SERPINE2: variants seen among roughly 807,000 people sequenced by gnomAD.
SERPINE2 encodes the protein serpin family E member 2, also known as glia-derived nexin.
SERPINE2 carries 14 observed loss-of-function variants against 36.3 expected under a neutral mutation model. That is an observed-to-expected ratio of 0.39 (90% CI 0.25 to 0.60). The LOEUF is 0.60. SERPINE2 is among the 20% of genes least tolerant of loss of function. SERPINE2 has a pLI of 0.57. For missense variants in SERPINE2, 418 were observed against 499.6 expected, an observed-to-expected ratio of 0.84 and a Z score of 1.56; for synonymous variants, 192 against 191.8, an observed-to-expected ratio of 1.00 and a Z score of -0.01.
chr2:224,004,462 G>A (rs1310811406), intron 1 of SERPINE2, among the ~76,000 whole-genome samples: 2 of 152,152 alleles, frequency 1.3e-5, no homozygotes, highest in East Asian at 1.9e-4. Flanking sequence ...ACCTACATAC[G>A]CTGCTCCCGC....
chr2:224,032,992 G>A (rs867143215), intron 1 of SERPINE2, among the ~76,000 whole-genome samples: 4 of 152,008 alleles, frequency 2.6e-5, no homozygotes. Context: ...GATGGGAGGT[G>A]GTATTTCTCA....
intron 1 of SERPINE2, among the ~76,000 whole-genome samples, chr2:224,018,090 G>T (rs781591574): frequency 6.6e-5 from 10 of 152,280 alleles, no homozygotes; most frequent in Non-Finnish European, 1.3e-4. Flanking sequence ...GACTTGAGAG[G>T]CCTTGCCCTC....
chr2:224,038,693 G>C (rs1692610370), intron 1 of SERPINE2: 1 of 625,360 alleles, frequency 1.6e-6, no homozygotes, highest in Non-Finnish European at 2.9e-6. Flanking sequence ...CCTAAGTCCG[G>C]GGTAGGGGTT....
At chr2:223,982,422 C>G (rs1030475762) in intron 6 of SERPINE2, 1 of 338,630 alleles carries the variant, frequency 3.0e-6, no homozygotes, top group East Asian at 6.5e-5. Context: ...GACTTCATCG[C>G]TATATAAACT....
intron 1 of SERPINE2, chr2:224,031,617 T>C: frequency 2.0e-6 from 1 of 487,846 alleles, no homozygotes; most frequent in South Asian, 8.8e-5. Flanking sequence ...CAGCCATTGG[T>C]ATCGGGACGA....
chr2:223,987,631 G>C (rs1456002364), intron 4 of SERPINE2, among the ~76,000 whole-genome samples: 1 of 152,212 alleles, frequency 6.6e-6, no homozygotes, highest in Non-Finnish European at 1.5e-5. Context: ...TTTTCTCTTA[G>C]ATGAATGGTG....
intron 6 of SERPINE2, 146 bp downstream of exon 6, chr2:223,982,535 T>A: frequency 2.1e-6 from 1 of 479,648 alleles, no homozygotes; most frequent in Non-Finnish European, 3.7e-6. Flanking sequence ...CGAAGGCCAA[T>A]AGCATAATTT....
At chr2:223,983,588 C>T (rs1690306061) in intron 5 of SERPINE2, among the ~76,000 whole-genome samples, 1 of 151,902 alleles carries the variant, frequency 6.6e-6, no homozygotes, top group Non-Finnish European at 1.5e-5. Flanking sequence ...ACTATTAAAA[C>T]AGGAGCAAAG....
chr2:224,001,237 A>T (rs541986782), intron 2 of SERPINE2, among the ~76,000 whole-genome samples: 1 of 152,304 alleles, frequency 6.6e-6, no homozygotes, highest in Admixed American at 6.5e-5. Flanking sequence ...CTCCATCACT[A>T]CGAGGCCCCT....
At chr2:224,002,665 T>TTC (rs1454320465) in intron 1 of SERPINE2, among the ~76,000 whole-genome samples, 1 of 149,392 alleles carries the variant, frequency 6.7e-6, no homozygotes, top group Non-Finnish European at 1.5e-5. Context: ...GCAATTTTTT[T>TTC]TTTTTTTTTT....
At chr2:224,033,630 G>C (rs1161236237) in intron 1 of SERPINE2, among the ~76,000 whole-genome samples, 1 of 145,374 alleles carries the variant, frequency 6.9e-6, no homozygotes, top group Admixed American at 7.0e-5. Context: ...CACCAAATGT[G>C]ACTGACGATA....
intron 1 of SERPINE2, among the ~76,000 whole-genome samples, chr2:224,025,916 G>T (rs1692165068): frequency 6.6e-6 from 1 of 152,236 alleles, no homozygotes. Flanking sequence ...ACAGAGGGCA[G>T]CTAGCTCTTC....
At chr2:224,030,996 T>C (rs2106201981) in intron 1 of SERPINE2, 1 of 985,476 alleles carries the variant, frequency 1.0e-6, no homozygotes, top group South Asian at 4.7e-5. Flanking sequence ...CTGGCCTCTT[T>C]CTGTATCATG....
At chr2:223,988,647 A>C (rs1268935293) in intron 4 of SERPINE2, among the ~76,000 whole-genome samples, 1 of 152,246 alleles carries the variant, frequency 6.6e-6, no homozygotes, top group Non-Finnish European at 1.5e-5. Flanking sequence ...CATAACCATA[A>C]AACATTTGTA....
intron 1 of SERPINE2, among the ~76,000 whole-genome samples, chr2:224,024,327 C>A (rs933719526): frequency 6.6e-6 from 1 of 152,058 alleles, no homozygotes; most frequent in Admixed American, 6.6e-5. Context: ...ACCTATCAAA[C>A]GAAAAAAGTT....
At chr2:224,004,737 T>C (rs954158537) in intron 1 of SERPINE2, among the ~76,000 whole-genome samples, 5 of 151,946 alleles carry the variant, frequency 3.3e-5, no homozygotes, top group Admixed American at 6.6e-5. Flanking sequence ...GTATAAAACA[T>C]TGTGTACAAT....
chr2:224,012,924 G>A (rs979905069), intron 1 of SERPINE2, among the ~76,000 whole-genome samples: 2 of 152,136 alleles, frequency 1.3e-5, no homozygotes, highest in African/African-American at 2.4e-5. Flanking sequence ...AAAGAGTTGA[G>A]AAATAATAAA....
At chr2:224,011,589 A>T (rs1458280186) in intron 1 of SERPINE2, among the ~76,000 whole-genome samples, 1 of 152,200 alleles carries the variant, frequency 6.6e-6, no homozygotes, top group Non-Finnish European at 1.5e-5. Context: ...GAGACGAGAA[A>T]CTAACACTCT....
At chr2:224,031,043 G>T (rs569039752) in intron 1 of SERPINE2, 10 of 985,312 alleles carry the variant, frequency 1.0e-5, no homozygotes, top group Non-Finnish European at 1.1e-5. Flanking sequence ...CACGCAGCAC[G>T]GCGAGGAGGT....
Sources: gnomAD v4.1 joint callset for allele counts (sites outside exome capture counted in the v4.1 genomes callset) on GRCh38, gnomAD v4.1.1 for gene constraint, MANE v1.5 for transcripts, NCBI Gene and HGNC (gene_info 2026-07-23, HGNC 2026-07-21) for gene names.